Variants in CNTNAP2 observed in about 807,000 individuals in gnomAD.
The protein encoded by CNTNAP2 is contactin-associated protein-like 2.
In CNTNAP2, 98 loss-of-function variants were observed where a neutral mutation model predicts 155.2. The ratio of observed to expected loss-of-function variants is 0.63; its 90% CI spans 0.54 to 0.75. CNTNAP2 has a LOEUF of 0.75. Among genes scored for constraint, CNTNAP2 ranks in the 30% least tolerant of loss-of-function variants. The probability of loss-of-function intolerance (pLI) is 0.00; values close to 1 mark genes in which losing one functional copy is unlikely to be tolerated. For synonymous variants in CNTNAP2, 651 were observed against 631.2 expected, an observed-to-expected ratio of 1.03 and a Z score of -0.47; for missense variants, 1,727 against 1,688.1, an observed-to-expected ratio of 1.02 and a Z score of -0.40.
rs1156400348 is a variant in CNTNAP2 at position 147,017,187 on chromosome 7, C to T, written c.403-26720C>T. Reference sequence around the variant, plus strand: ...CTGTCATATTTTATTTTTTTTCTCACGTCTTTTCCCACCATCCTCCCAGTT... The same window carrying T: ...CTGTCATATTTTATTTTTTTTCTCATGTCTTTTCCCACCATCCTCCCAGTT... On this transcript the variant is annotated intron_variant, in intron 3 of 23. Coordinates refer to ENST00000361727, the MANE Select transcript of CNTNAP2 (RefSeq NM_014141.6). Among the ~76,000 whole-genome samples, 3 of 151,746 alleles carry T rather than the reference C, an allele frequency of 2.0e-5. No individual in the cohort carries two copies. In the South Asian group the frequency reaches 6.2e-4, roughly 31 times the overall value.
intron 13 of CNTNAP2, among the ~76,000 whole-genome samples, chr7:147,745,984 T>C (rs1797036545): frequency 6.6e-6 from 1 of 152,212 alleles, no homozygotes; most frequent in Non-Finnish European, 1.5e-5. Flanking sequence ...TCTGTATAAT[T>C]GTTTAACACA....
At chr7:148,171,358 AGTT>A (rs1326282109) in intron 17 of CNTNAP2, among the ~76,000 whole-genome samples, 1 of 152,144 alleles carries the variant, frequency 6.6e-6, no homozygotes, top group Non-Finnish European at 1.5e-5. Flanking sequence ...TTTCCAGAAA[AGTT>A]GTTACTCTAA....
intron 13 of CNTNAP2, among the ~76,000 whole-genome samples, chr7:147,697,791 T>C (rs907766503): frequency 6.6e-6 from 1 of 152,178 alleles, no homozygotes; most frequent in Non-Finnish European, 1.5e-5. Flanking sequence ...GGGTAGGCCT[T>C]GTTAAGAAGA....
intron 3 of CNTNAP2, among the ~76,000 whole-genome samples, chr7:147,004,454 T>G (rs966083626): frequency 1.3e-5 from 2 of 151,846 alleles, no homozygotes; most frequent in Non-Finnish European, 2.9e-5. Context: ...ATAGGAAAAT[T>G]TACAAATGCA....
intron 3 of CNTNAP2, among the ~76,000 whole-genome samples, chr7:146,958,588 T>A (rs1418750300): frequency 6.6e-6 from 1 of 151,774 alleles, no homozygotes; most frequent in Non-Finnish European, 1.5e-5. Context: ...TAATTTTTTG[T>A]ATTTTTAGTG....
rs200089329 is a variant in CNTNAP2 at position 147,977,974 on chromosome 7, C to T, written c.2368C>T (p.Arg790Cys). ...AGCCAAATTGAGCGTAGGTCCTCTG[C>T]GCTGCCAAGGAGACAGTAAGTTTGC... Reference protein sequence around the residue: ...SEAKLSVGPLRCQGDRNYWNA... With the variant: ...SEAKLSVGPLCCQGDRNYWNA... Residue 790 changes from arginine to cysteine, a missense_variant, in exon 15 of 24, where the codon CGC (arginine) becomes TGC (cysteine). Physicochemically the swap from Arg to Cys is radical, Grantham distance 180. Coordinates refer to ENST00000361727, the MANE Select transcript of CNTNAP2 (RefSeq NM_014141.6). The T allele has an allele frequency of 9.8e-5, 158 of 1,613,864 alleles. No homozygotes were observed. Among genetic ancestry groups the T allele is most frequent in the Non-Finnish European group, 8.8e-5 (104 of 1,179,978 alleles).
chr7:147,022,974 C>A (rs1563047398), intron 3 of CNTNAP2, among the ~76,000 whole-genome samples: 1 of 152,004 alleles, frequency 6.6e-6, no homozygotes, highest in Non-Finnish European at 1.5e-5. Context: ...ATCTATGGAA[C>A]CGAGAATCAT....
At chr7:146,578,883 C>T (rs547757165) in intron 1 of CNTNAP2, among the ~76,000 whole-genome samples, 27 of 152,148 alleles carry the variant, frequency 1.8e-4, no homozygotes, top group African/African-American at 6.3e-4. Context: ...CATTAACTCC[C>T]CTTTCAATTA....
At chr7:146,336,130 C>T (rs544481199) in intron 1 of CNTNAP2, among the ~76,000 whole-genome samples, 2 of 145,170 alleles carry the variant, frequency 1.4e-5, no homozygotes, top group East Asian at 2.1e-4. Context: ...ACCTGGGAGG[C>T]GGAGGTTGTG....
At chr7:147,516,618 A>ATGCGTGTG (rs541557161) in intron 11 of CNTNAP2, among the ~76,000 whole-genome samples, 1 of 149,828 alleles carries the variant, frequency 6.7e-6, no homozygotes, top group African/African-American at 2.4e-5. Flanking sequence ...GAGAGAGAGA[A>ATGCGTGTG]TGTGTGTGTG....
chr7:148,135,677 T>C (rs1226979499), intron 16 of CNTNAP2, among the ~76,000 whole-genome samples: 2 of 151,364 alleles, frequency 1.3e-5, no homozygotes, highest in African/African-American at 2.4e-5. Flanking sequence ...GGCAAAACCC[T>C]GTCTCCACTA....
intron 1 of CNTNAP2, among the ~76,000 whole-genome samples, chr7:146,512,515 T>C (rs774066990): frequency 6.6e-6 from 1 of 151,808 alleles, no homozygotes; most frequent in Non-Finnish European, 1.5e-5. Context: ...CTTTTTTTTT[T>C]CAAATTGTCC....
chr7:148,137,043 G>C (rs1804968005), intron 16 of CNTNAP2, among the ~76,000 whole-genome samples: 1 of 152,114 alleles, frequency 6.6e-6, no homozygotes, highest in African/African-American at 2.4e-5. Context: ...AACCATAAGG[G>C]ATGCTGTGAA....
chr7:147,905,580 A>G (rs990175919), intron 14 of CNTNAP2, among the ~76,000 whole-genome samples: 1 of 152,244 alleles, frequency 6.6e-6, no homozygotes, highest in African/African-American at 2.4e-5. Flanking sequence ...TGTGCAAGAT[A>G]CAACAAAAAC....
rs34715137 is a variant in CNTNAP2, at chr7:146,699,797, G to A, written c.98-74474G>A. On this transcript the variant is annotated intron_variant, in intron 1 of 23. Coordinates refer to ENST00000361727, the MANE Select transcript of CNTNAP2 (RefSeq NM_014141.6). ...AGCCTGGCCAACACAGCGAAACCCC[G>A]TCTCTACTAAAAATACAAAAATTAG... 3.2e-3 allele frequency among the ~76,000 whole-genome samples: 480 copies of A among 151,982 alleles called. 2 individuals carry two copies. The highest frequency in any genetic ancestry group is 5.5e-3 in the Non-Finnish European group (373 of 67,968).
intron 10 of CNTNAP2, among the ~76,000 whole-genome samples, chr7:147,450,968 T>A (rs1299956105): frequency 2.0e-5 from 3 of 152,218 alleles, no homozygotes; most frequent in Non-Finnish European, 2.9e-5. Context: ...CAACTCCACA[T>A]TAAATCCAGG....
At chr7:146,786,487 A>T (rs985081827) in intron 2 of CNTNAP2, among the ~76,000 whole-genome samples, 1 of 152,216 alleles carries the variant, frequency 6.6e-6, no homozygotes, top group Non-Finnish European at 1.5e-5. Context: ...ATTGTCACTA[A>T]TAAGAATTCA....
intron 10 of CNTNAP2, among the ~76,000 whole-genome samples, chr7:147,434,942 C>G (rs1263343935): frequency 6.6e-6 from 1 of 152,132 alleles, no homozygotes; most frequent in Non-Finnish European, 1.5e-5. Context: ...TCCTGTGGTT[C>G]AGGTATTTGT....
chr7:147,442,145 G>A (rs1030856354), intron 10 of CNTNAP2, among the ~76,000 whole-genome samples: 1 of 152,108 alleles, frequency 6.6e-6, no homozygotes, highest in Non-Finnish European at 1.5e-5. Context: ...CTGTGAGCCA[G>A]GGACTAGAGT....
Sources: gnomAD v4.1 joint callset for allele counts (sites outside exome capture counted in the v4.1 genomes callset) on GRCh38, gnomAD v4.1.1 for gene constraint, MANE v1.5 for transcripts, NCBI Gene and HGNC (gene_info 2026-07-23, HGNC 2026-07-21) for gene names.